USP34: variants seen among roughly 807,000 people sequenced by gnomAD.
The protein encoded by USP34 is ubiquitin carboxyl-terminal hydrolase 34.
A neutral mutation model predicts 460.3 loss-of-function variants in USP34; 70 were observed. The observed-to-expected ratio is 0.15, with a 90% confidence interval of 0.13 to 0.19. USP34 has a LOEUF of 0.19. Among genes scored for constraint, USP34 ranks in the 10% least tolerant of loss-of-function variants. The pLI, the probability that USP34 is intolerant of heterozygous loss-of-function variation, is 1.00. For missense variants in USP34, 3,985 were observed against 4,236.2 expected, an observed-to-expected ratio of 0.94 and a Z score of 1.65; for synonymous variants, 1,647 against 1,405.3, an observed-to-expected ratio of 1.17 and a Z score of -3.85.
At chr2:61,352,138 T>TC (rs1237154130) in intron 10 of USP34, among the ~76,000 whole-genome samples, 5 of 152,156 alleles carry the variant, frequency 3.3e-5, no homozygotes, top group Admixed American at 1.3e-4. Context: ...AATGAGTACT[T>TC]CTTTGAGCAC....
chr2:61,187,991 A>C lies in USP34; in HGVS notation c.*111T>G. The C allele has an allele frequency of 6.7e-7, 1 of 1,486,110 alleles. No homozygotes were observed. Among genetic ancestry groups the C allele is most frequent in the East Asian group, 2.3e-5 (1 of 42,888 alleles). 92.1% of individuals were successfully genotyped at this position (1,486,110 alleles called of 1,614,324 possible). On this transcript the variant is annotated 3_prime_UTR_variant, in exon 80 of 80. Transcript: ENST00000398571. ...AGCCTATAAATCTATCTTGCCATTC[A>C]AGCAGAGAGCACTGGACAAACTGAA...
At chr2:61,360,409 C>A (rs1235355700) in intron 10 of USP34, among the ~76,000 whole-genome samples, 3 of 152,118 alleles carry the variant, frequency 2.0e-5, no homozygotes, top group Non-Finnish European at 2.9e-5. Flanking sequence ...AGCAGGCTAT[C>A]TGAAAACGCA....
intron 23 of USP34, among the ~76,000 whole-genome samples, chr2:61,316,446 G>A (rs981685856): frequency 4.6e-5 from 7 of 151,388 alleles, no homozygotes; most frequent in Admixed American, 1.3e-4. Flanking sequence ...TTAGCTGGGC[G>A]TGGTGGTGCA....
intron 75 of USP34, among the ~76,000 whole-genome samples, chr2:61,202,210 G>A (rs763873989): frequency 3.3e-5 from 5 of 152,166 alleles, no homozygotes; most frequent in Admixed American, 6.6e-5. Context: ...GCCCTACCTG[G>A]AATGTATCAA....
intron 41 of USP34, among the ~76,000 whole-genome samples, chr2:61,274,641 A>G (rs1174795781): frequency 6.6e-6 from 1 of 152,186 alleles, no homozygotes; most frequent in African/African-American, 2.4e-5. Flanking sequence ...ATAATACAAA[A>G]TAAAACCAAG....
At position 61,333,377 on chromosome 2, in the gene USP34, A is replaced by G. The variant is rs185348619; in HGVS notation, c.2834+505T>C. Among the ~76,000 whole-genome samples, 752 of 152,178 alleles carry G rather than the reference A, an allele frequency of 4.9e-3. 5 individuals are homozygous for G. Among genetic ancestry groups the G allele is most frequent in the Non-Finnish European group, 7.2e-3 (489 of 67,916 alleles). The stretch of plus-strand genomic sequence containing the variant: ...CTAATCCAAAAATCCAAATTCCAAA[A>G]TGCTCCAATGAATATTTCCTTTGAG... On this transcript the variant is annotated intron_variant, in intron 19 of 79. Transcript: ENST00000398571.
intron 10 of USP34, among the ~76,000 whole-genome samples, chr2:61,351,362 C>A (rs1470906640): frequency 6.6e-6 from 1 of 151,930 alleles, no homozygotes; most frequent in Non-Finnish European, 1.5e-5. Flanking sequence ...AAATAATAAA[C>A]CATGAGATAC....
intron 10 of USP34, among the ~76,000 whole-genome samples, chr2:61,369,358 C>T (rs1489543723): frequency 6.6e-6 from 1 of 151,938 alleles, no homozygotes; most frequent in Non-Finnish European, 1.5e-5. Context: ...AGAAAAGACT[C>T]GGGGGGCCAG....
intron 8 of USP34, among the ~76,000 whole-genome samples, chr2:61,375,551 C>T (rs1020174009): frequency 2.6e-5 from 4 of 151,988 alleles, no homozygotes; most frequent in Non-Finnish European, 2.9e-5. Flanking sequence ...AGGCGGATCA[C>T]GAGGTCAGGA....
chr2:61,441,103 G>A (rs1038538446), intron 1 of USP34, among the ~76,000 whole-genome samples: 4 of 150,882 alleles, frequency 2.7e-5, no homozygotes, highest in Non-Finnish European at 5.9e-5. Flanking sequence ...ACTCCAGCCT[G>A]GACAACTGAG....
chr2:61,269,168 G>A (rs1162859700), intron 41 of USP34, among the ~76,000 whole-genome samples: 1 of 151,970 alleles, frequency 6.6e-6, no homozygotes, highest in East Asian at 1.9e-4. Flanking sequence ...TAAAATTTCA[G>A]AAAGGAGAGT....
At chr2:61,322,306 C>A (rs1012749819) in intron 21 of USP34, among the ~76,000 whole-genome samples, 1 of 152,072 alleles carries the variant, frequency 6.6e-6, no homozygotes, top group African/African-American at 2.4e-5. Context: ...CTGCCTAAAA[C>A]AGACAACAGC....
At chr2:61,262,148 T>C (rs1423967580) in intron 43 of USP34, among the ~76,000 whole-genome samples, 11 of 132,698 alleles carry the variant, frequency 8.3e-5, no homozygotes, top group African/African-American at 2.0e-4. Context: ...GATAGATAGA[T>C]AGATAGATAT....
At chr2:61,461,286 G>T (rs926460648) in intron 1 of USP34, among the ~76,000 whole-genome samples, 1 of 151,700 alleles carries the variant, frequency 6.6e-6, no homozygotes, top group Middle Eastern at 3.4e-3. Context: ...CCAGCTACTC[G>T]GGAGTCTGAG....
intron 67 of USP34, 46 bp downstream of exon 67, chr2:61,220,264 T>G (rs761386367): frequency 2.0e-6 from 3 of 1,534,800 alleles, no homozygotes; most frequent in Non-Finnish European, 2.6e-6. Flanking sequence ...AACATAACTT[T>G]GAACAATAAA....
chr2:61,266,193 T>C (rs778954322), intron 41 of USP34, 26 bp from the exon 42 acceptor site: 5 of 1,585,264 alleles, frequency 3.2e-6, no homozygotes, highest in Admixed American at 3.4e-5. Context: ...AAACATGTTA[T>C]CTAAACTGAG....
intron 1 of USP34, among the ~76,000 whole-genome samples, chr2:61,449,395 C>T (rs1695206429): frequency 6.6e-6 from 1 of 151,694 alleles, no homozygotes; most frequent in African/African-American, 2.4e-5. Context: ...ACTTGATACA[C>T]AGATTCACTA....
chr2:61,417,726 T>TC (rs34839698), intron 2 of USP34, among the ~76,000 whole-genome samples: 2 of 134,918 alleles, frequency 1.5e-5, no homozygotes, highest in Non-Finnish European at 3.1e-5. Flanking sequence ...AATCTTTTTT[T>TC]TTTTCTTTTT....
Position 61,262,594 on chromosome 2 carries a change from C to T in USP34, c.5778+2803G>A, listed in dbSNP as rs544532420. Among the ~76,000 whole-genome samples the T allele has an allele frequency of 7.6e-4, 116 of 152,082 alleles. 1 individual carries two copies. The highest frequency in any genetic ancestry group is 2.5e-3 in the African/African-American group (103 of 41,484). On this transcript the variant is annotated intron_variant, in intron 43 of 79. Coordinates refer to ENST00000398571, the MANE Select transcript of USP34 (RefSeq NM_014709.4). ...CTTTATCTAGTCCACTGTTGATGGG[C>T]ATGTAGGTTGATTCCATGTTTTTGC...
Sources: allele counts gnomAD v4.1 joint callset (sites outside exome capture counted in the v4.1 genomes callset), GRCh38; gene constraint gnomAD v4.1.1; transcripts MANE v1.5; gene names NCBI Gene and HGNC (gene_info 2026-07-23, HGNC 2026-07-21).